Variants in PPP5C observed in about 807,000 individuals in gnomAD.
PPP5C encodes the protein serine/threonine-protein phosphatase 5.
Under a neutral mutation model 66.7 loss-of-function variants are expected in PPP5C, and 21 were observed. The ratio of observed to expected loss-of-function variants is 0.31; its 90% CI spans 0.22 to 0.45. The LOEUF is 0.45. Ranked by LOEUF, PPP5C falls within the 20% of genes least tolerant of loss-of-function variation. PPP5C has a pLI of 1.00. For missense variants in PPP5C, 464 were observed against 675.9 expected (o/e 0.69, Z 3.48); for synonymous variants, 246 against 257.4 (o/e 0.96, Z 0.43).
Position 46,383,966 on chromosome 19 carries a change from G to A in PPP5C, c.798+88G>A. 8.9e-7 allele frequency: 1 copy of A among 1,117,568 alleles called. No individual in the cohort carries two copies. Among genetic ancestry groups the A allele is most frequent in the Admixed American group, 1.9e-5 (1 of 53,654 alleles). 69.2% of individuals were successfully genotyped at this position (1,117,568 alleles called of 1,614,324 possible). A position where few individuals can be genotyped will look rare whatever the true frequency, so the allele number is the denominator to read the frequency against. On this transcript the variant is annotated intron_variant, in intron 6 of 12. Transcript: ENST00000012443. The surrounding 1 kb of genome is among the most constrained non-coding windows in gnomAD (Gnocchi z 5.0). ...CACAGAGTGGGAGGAGCCCTTGCCA[G>A]GAAAAGACGTGACCTTGGAAAGGAG...
chr19:46,383,254 G>A lies in PPP5C; in HGVS notation c.634-157G>A. The A allele has an allele frequency of 6.5e-7, 1 of 1,543,962 alleles. No individual in the cohort carries two copies. Among genetic ancestry groups the A allele is most frequent in the Non-Finnish European group, 8.7e-7 (1 of 1,145,666 alleles). The stretch of plus-strand genomic sequence containing the variant: ...CCTGCGGCTGCCTCCGGCCCCGCCT[G>A]CTCCCGCTCCCCCAGGCCTGCCCTG... On this transcript the variant is annotated intron_variant, in intron 4 of 12. Transcript: ENST00000012443. This position sits in a 1 kb window ranked among gnomAD's most constrained non-coding sequence, Gnocchi z 5.0.
chr19:46,353,665 A>G, intron 1 of PPP5C, 83 bp from the exon 2 acceptor site: 1 of 1,573,438 alleles, frequency 6.4e-7, no homozygotes, highest in Middle Eastern at 1.7e-4. Flanking sequence ...ATCTGTGAAC[A>G]GGGAGACTGG....
chr19:46,355,245 G>A (rs1972264341), intron 2 of PPP5C, among the ~76,000 whole-genome samples: 1 of 151,892 alleles, frequency 6.6e-6, no homozygotes, highest in African/African-American at 2.4e-5. Flanking sequence ...AGGGGGCTTG[G>A]TCAGTGTGTG....
At position 46,388,002 on chromosome 19, in the gene PPP5C, G is replaced by A. The variant is rs1301519297; in HGVS notation, c.1136-406G>A. On this transcript the variant is annotated intron_variant, in intron 9 of 12. Transcript: ENST00000012443. This position sits in a 1 kb window ranked among gnomAD's most constrained non-coding sequence, Gnocchi z 4.9. ...AGGGAGAAGTTGGCGAGTGGGCAGG[G>A]CTGTGCTTTGAGGGCTGACATTGGA... The A allele has an allele frequency of 2.5e-5, 7 of 283,504 alleles. No individual in the cohort carries two copies. Among genetic ancestry groups the A allele is most frequent in the Non-Finnish European group, 4.7e-5 (7 of 147,500 alleles). 17.6% of individuals were successfully genotyped at this position (283,504 alleles called of 1,614,324 possible).
At chr19:46,352,621 C>T (rs577903636) in intron 1 of PPP5C, among the ~76,000 whole-genome samples, 2 of 152,256 alleles carry the variant, frequency 1.3e-5, no homozygotes, top group South Asian at 4.1e-4. Flanking sequence ...GAGATCGAGA[C>T]CATCCTGGCT....
chr19:46,378,299 G>T (rs1475211235), intron 4 of PPP5C, among the ~76,000 whole-genome samples: 1 of 152,094 alleles, frequency 6.6e-6, no homozygotes, highest in Non-Finnish European at 1.5e-5. Context: ...CCAAATATTT[G>T]GGGACTTCTA....
At chr19:46,375,512 C>T (rs1012252115) in intron 2 of PPP5C, 92 bp from the exon 3 acceptor site, 3 of 1,535,076 alleles carry the variant, frequency 2.0e-6, no homozygotes, top group African/African-American at 2.8e-5. Flanking sequence ...GTCTGACTTC[C>T]ACTTTCATGG....
chr19:46,355,980 G>T (rs1972279352), intron 2 of PPP5C, among the ~76,000 whole-genome samples: 2 of 152,160 alleles, frequency 1.3e-5, no homozygotes, highest in African/African-American at 4.8e-5. Context: ...GGCTGCAAGA[G>T]TGTCTTTCCC....
intron 2 of PPP5C, among the ~76,000 whole-genome samples, chr19:46,357,654 C>T (rs1427718863): frequency 3.9e-5 from 6 of 152,154 alleles, no homozygotes; most frequent in Admixed American, 3.9e-4. Context: ...GTGACCCACT[C>T]CTTGGGTTCA....
chr19:46,363,307 CAAAAAAAAAAAAAAAAAAAAAAAA>C (rs1158423038), intron 2 of PPP5C, among the ~76,000 whole-genome samples: 13 of 27,940 alleles, frequency 4.7e-4, no homozygotes, highest in Non-Finnish European at 5.5e-4. Flanking sequence ...GACTCCATCT[CAAAAAAAAAAAAAAAAAAAAAAAA>C]AAAAAAAAAA....
Position 46,383,540 on chromosome 19 carries a change from C to T in PPP5C, c.699+64C>T. ...GTGGGCTCTCTGGCTGGGGAGGGGC[C>T]ACAGAGCTCAGGAACTCACGGATCC... On this transcript the variant is annotated intron_variant, in intron 5 of 12. Coordinates refer to ENST00000012443, the MANE Select transcript of PPP5C (RefSeq NM_006247.4). This position sits in a 1 kb window ranked among gnomAD's most constrained non-coding sequence, Gnocchi z 5.0. 6.8e-7 allele frequency: 1 copy of T among 1,469,352 alleles called. No homozygotes were observed. The highest frequency in any genetic ancestry group is 9.3e-7 in the Non-Finnish European group (1 of 1,079,234). 91.0% of individuals were successfully genotyped at this position (1,469,352 alleles called of 1,614,324 possible).
At chr19:46,350,396 C>T (rs1160330700) in intron 1 of PPP5C, among the ~76,000 whole-genome samples, 6 of 152,238 alleles carry the variant, frequency 3.9e-5, no homozygotes, top group Admixed American at 2.0e-4. Flanking sequence ...CTGCTGAGGC[C>T]GCATCAGAAT....
intron 2 of PPP5C, among the ~76,000 whole-genome samples, chr19:46,371,249 G>GC (rs1972586573): frequency 6.6e-6 from 1 of 152,080 alleles, no homozygotes. Flanking sequence ...TTGTTCTGTG[G>GC]CTTTGGGTTC....
At chr19:46,363,396 G>A (rs192278211) in intron 2 of PPP5C, among the ~76,000 whole-genome samples, 4 of 139,420 alleles carry the variant, frequency 2.9e-5, no homozygotes, top group Non-Finnish European at 6.1e-5. Flanking sequence ...ATTTACTCAG[G>A]TCATGTGAAC....
chr19:46,383,006 G>A lies in PPP5C; in HGVS notation c.634-405G>A, dbSNP rs929740088. ...AAAGCACCAGTGTTGCCTATGACCTGCCTTTTTACCTCTTTTTACCTAGAA... is the reference window on the plus strand; with the variant it reads ...AAAGCACCAGTGTTGCCTATGACCTACCTTTTTACCTCTTTTTACCTAGAA... On this transcript the variant is annotated intron_variant, in intron 4 of 12. Transcript: ENST00000012443. This position sits in a 1 kb window ranked among gnomAD's most constrained non-coding sequence, Gnocchi z 5.0. 7 of 1,090,554 alleles carry A rather than the reference G, an allele frequency of 6.4e-6. No individual in the cohort carries two copies. The African/African-American group carries it at 9.9e-5, about 15-fold the overall frequency. The allele number at this position is 1,090,554 out of a possible 1,614,324, so 67.6% of individuals were successfully genotyped here.
chr19:46,376,750 C>A lies in PPP5C; in HGVS notation c.633+176C>A. 2 of 896,594 alleles carry A rather than the reference C, an allele frequency of 2.2e-6. No individual in the cohort carries two copies. The highest frequency in any genetic ancestry group is 1.6e-6 in the Non-Finnish European group (1 of 616,952). The allele number at this position is 896,594 out of a possible 1,614,324, so 55.5% of individuals were successfully genotyped here. On this transcript the variant is annotated intron_variant, in intron 4 of 12. Coordinates refer to ENST00000012443, the MANE Select transcript of PPP5C (RefSeq NM_006247.4). This position sits in a 1 kb window ranked among gnomAD's most constrained non-coding sequence, Gnocchi z 5.1. ...CTTACCACATGATCTCATCTCGTCC[C>A]ACAGCAGTTTGGGGAGGTGGCAGGC...
At position 46,390,712 on chromosome 19, in the gene PPP5C, G is replaced by A. The variant is rs1396775203; in HGVS notation, c.*366G>A. On this transcript the variant is annotated 3_prime_UTR_variant, in exon 13 of 13. Transcript: ENST00000012443. ...GGGCCCCGCCATAGGAAGACCCCCAGAGAGAGGGTCAGCAGGGGGGCCCCG... is the reference window on the plus strand; with the variant it reads ...GGGCCCCGCCATAGGAAGACCCCCAAAGAGAGGGTCAGCAGGGGGGCCCCG... 8.5e-7 allele frequency: 1 copy of A among 1,172,720 alleles called. No individual in the cohort carries two copies. The highest frequency in any genetic ancestry group is 1.1e-6 in the Non-Finnish European group (1 of 936,962). The allele number at this position is 1,172,720 out of a possible 1,614,324, so 72.6% of individuals were successfully genotyped here. A position where few individuals can be genotyped will look rare whatever the true frequency, so the allele number is the denominator to read the frequency against.
At chr19:46,374,852 A>G (rs1158823059) in intron 2 of PPP5C, among the ~76,000 whole-genome samples, 1 of 152,186 alleles carries the variant, frequency 6.6e-6, no homozygotes, top group African/African-American at 2.4e-5. Flanking sequence ...AAACTGAGCC[A>G]CAGAGAGGCA....
At chr19:46,386,991 G>A (rs1972900492) in intron 7 of PPP5C, 102 bp from the exon 8 acceptor site, 4 of 1,537,960 alleles carry the variant, frequency 2.6e-6, no homozygotes, top group East Asian at 4.6e-5. Context: ...GGCCCATGGG[G>A]GCAAGGGACG....
Sources: allele counts gnomAD v4.1 joint callset (sites outside exome capture counted in the v4.1 genomes callset), GRCh38; gene constraint gnomAD v4.1.1; non-coding constraint Gnocchi (gnomAD v3.1); transcripts MANE v1.5; gene names NCBI Gene and HGNC (gene_info 2026-07-23, HGNC 2026-07-21).